The following TEN1 variants were observed in gnomAD, a reference collection of about 807,000 sequenced individuals.
The protein encoded by TEN1 is CST complex subunit TEN1.
A neutral mutation model predicts 9.3 loss-of-function variants in TEN1; 6 were observed. That is an observed-to-expected ratio of 0.65 (90% CI 0.35 to 1.27). The LOEUF is 1.27. Among genes scored for constraint, TEN1 ranks in the 50% most tolerant of loss-of-function variants. The pLI is 0.03. For synonymous variants in TEN1, 65 were observed against 65.6 expected (o/e 0.99, Z 0.04); for missense variants, 149 against 158.2 (o/e 0.94, Z 0.31).
intron 2 of TEN1, among the ~76,000 whole-genome samples, chr17:75,988,561 C>CAA (rs1189354019): frequency 0.022 from 632 of 28,908 alleles, 54 homozygotes; most frequent in Non-Finnish European, 0.028. Context: ...GATCCTGCCT[C>CAA]AAAAAAAAAA....
At chr17:75,979,635 G>A (rs1159507414) in intron 1 of TEN1, 124 bp downstream of exon 1, 4 of 182,862 alleles carry the variant, frequency 2.2e-5, no homozygotes, top group South Asian at 1.8e-4. Flanking sequence ...AGGCCTCTCC[G>A]AAATGAGAGT....
intron 3 of TEN1, among the ~76,000 whole-genome samples, chr17:75,997,212 C>G (rs1225376231): frequency 1.3e-5 from 2 of 152,132 alleles, no homozygotes; most frequent in Non-Finnish European, 2.9e-5. Flanking sequence ...CCCCAAGACC[C>G]CAGCCTCCAC....
chr17:76,000,265 A>G lies in TEN1; in HGVS notation c.*3A>G. The G allele has an allele frequency of 1.3e-6, 2 of 1,550,878 alleles. No homozygotes were observed. Among genetic ancestry groups the G allele is most frequent in the South Asian group, 1.2e-5 (1 of 83,996 alleles). On this transcript the variant is annotated 3_prime_UTR_variant, in exon 4 of 4. Transcript: ENST00000397640. The surrounding 1 kb of genome is among the most constrained non-coding windows in gnomAD (Gnocchi z 5.9). The stretch of plus-strand genomic sequence containing the variant: ...AGGAGCGGGGCGGCAGCCAGTAGGA[A>G]ACAGCAGCCTAGCAACACCCTCACC...
chr17:75,994,592 C>G (rs2144360441), intron 3 of TEN1, among the ~76,000 whole-genome samples: 1 of 151,658 alleles, frequency 6.6e-6, no homozygotes, highest in Non-Finnish European at 1.5e-5. Flanking sequence ...ATTCTCCTGC[C>G]TTGGCCTCCT....
At chr17:75,982,010 G>C (rs541135982) in intron 1 of TEN1, among the ~76,000 whole-genome samples, 1 of 152,282 alleles carries the variant, frequency 6.6e-6, no homozygotes, top group East Asian at 1.9e-4. Flanking sequence ...CTGGGCGACA[G>C]AGTGAGACTC....
At chr17:75,989,998 C>T (rs1364520852) in intron 2 of TEN1, among the ~76,000 whole-genome samples, 3 of 151,524 alleles carry the variant, frequency 2.0e-5, no homozygotes, top group Non-Finnish European at 2.9e-5. Context: ...CCTCTTGCCT[C>T]AGCCTCCCAA....
intron 2 of TEN1, among the ~76,000 whole-genome samples, chr17:75,990,115 G>A (rs1018585203): frequency 4.0e-5 from 6 of 150,142 alleles, no homozygotes; most frequent in Middle Eastern, 3.4e-3. Flanking sequence ...GTACGATCTC[G>A]GCTCACTGCA....
At chr17:75,979,968 A>G (rs2066104218) in intron 1 of TEN1, among the ~76,000 whole-genome samples, 1 of 151,836 alleles carries the variant, frequency 6.6e-6, no homozygotes, top group Non-Finnish European at 1.5e-5. Context: ...GGCAGTTACT[A>G]GAGGTCTTGG....
chr17:75,992,975 G>A (rs79146448), intron 3 of TEN1, among the ~76,000 whole-genome samples: 1 of 97,146 alleles, frequency 1.0e-5, no homozygotes. Context: ...TTTTTTTTTT[G>A]TCTCGAGACA....
At chr17:75,992,959 G>A (rs969011260) in intron 3 of TEN1, among the ~76,000 whole-genome samples, 2 of 134,968 alleles carry the variant, frequency 1.5e-5, no homozygotes, top group African/African-American at 5.3e-5. Context: ...CTTACTGCTG[G>A]TTTTTTTTTT....
chr17:75,979,934 A>G (rs11077800), intron 1 of TEN1, among the ~76,000 whole-genome samples: 8,504 of 151,340 alleles, frequency 0.056, 263 homozygotes, highest in East Asian at 0.13. Context: ...TGTCTGGGAA[A>G]CCAGACATTT....
In TEN1 at chr17:76,000,246, G is replaced by T; in HGVS notation, c.356G>T (p.Arg119Leu). The T allele has an allele frequency of 6.4e-7, 1 of 1,551,164 alleles. No homozygotes were observed. Among genetic ancestry groups the T allele is most frequent in the East Asian group, 2.4e-5 (1 of 40,904 alleles). ...GAGCAGAGACTGTACAAGCAGGAGC[G>T]GGGCGGCAGCCAGTAGGAAACAGCA... ...IREQRLYKQERGGSQ is the reference protein window; with the variant it reads ...IREQRLYKQELGGSQ Residue 119 changes from arginine to leucine, a missense_variant, in exon 4 of 4, where the codon CGG becomes CTG. Coordinates refer to ENST00000397640, the MANE Select transcript of TEN1 (RefSeq NM_001113324.3). The surrounding 1 kb of genome is among the most constrained non-coding windows in gnomAD (Gnocchi z 5.9).
At chr17:75,981,379 G>A (rs1189831857) in intron 1 of TEN1, among the ~76,000 whole-genome samples, 6 of 151,918 alleles carry the variant, frequency 3.9e-5, no homozygotes, top group African/African-American at 1.5e-4. Flanking sequence ...TAGAGGCAGG[G>A]TTTCACTATG....
In TEN1 at chr17:75,986,182, T is replaced by C; in HGVS notation, c.-6-5T>C. On this transcript the variant is annotated splice_region_variant and splice_polypyrimidine_tract_variant and intron_variant, in intron 1 of 3. Transcript: ENST00000397640. ...TCAAAATCCCTCTCAACTATTTGGTTACAGGAGCCCATGATGCTGCCCAAA... is the reference window on the plus strand; with the variant it reads ...TCAAAATCCCTCTCAACTATTTGGTCACAGGAGCCCATGATGCTGCCCAAA... 1 of 1,542,266 alleles carries C rather than the reference T, an allele frequency of 6.5e-7. No homozygotes were observed. Among genetic ancestry groups the C allele is most frequent in the Non-Finnish European group, 8.8e-7 (1 of 1,142,722 alleles).
intron 2 of TEN1, among the ~76,000 whole-genome samples, chr17:75,991,149 C>CAAAAAAAAAAAAAAAAAAAAA (rs71361699): frequency 5.7e-5 from 4 of 70,190 alleles, no homozygotes; most frequent in Non-Finnish European, 1.0e-4. Context: ...GACTCCATCT[C>CAAAAAAAAAAAAAAAAAAAAA]AAAAAAAAAA....
chr17:75,995,892 A>G (rs2066215597), intron 3 of TEN1, among the ~76,000 whole-genome samples: 1 of 152,088 alleles, frequency 6.6e-6, no homozygotes, highest in Admixed American at 6.6e-5. Flanking sequence ...CAGGAGTTTG[A>G]GACCAACCTG....
intron 3 of TEN1, among the ~76,000 whole-genome samples, chr17:75,994,883 T>G (rs1435982355): frequency 6.6e-6 from 1 of 152,122 alleles, no homozygotes; most frequent in Non-Finnish European, 1.5e-5. Flanking sequence ...CTGTCCACCC[T>G]GACCTCTGGC....
intron 3 of TEN1, among the ~76,000 whole-genome samples, chr17:75,998,150 C>T (rs2066228230): frequency 6.6e-6 from 1 of 150,518 alleles, no homozygotes; most frequent in South Asian, 2.1e-4. Flanking sequence ...CTGCGCCTGG[C>T]CTTTTTCCTT....
intron 1 of TEN1, among the ~76,000 whole-genome samples, chr17:75,984,256 T>C (rs2066138992): frequency 6.6e-6 from 1 of 152,192 alleles, no homozygotes; most frequent in Non-Finnish European, 1.5e-5. Flanking sequence ...TACTTCTCTA[T>C]CAAACTATGA....
Sources: gnomAD v4.1 joint callset for allele counts (sites outside exome capture counted in the v4.1 genomes callset) on GRCh38, gnomAD v4.1.1 for gene constraint, Gnocchi (gnomAD v3.1) non-coding constraint, MANE v1.5 for transcripts, NCBI Gene and HGNC (gene_info 2026-07-23, HGNC 2026-07-21) for gene names.